ACSS3: variants seen among roughly 807,000 people sequenced by gnomAD.
ACSS3 encodes acyl-CoA synthetase short-chain family member 3, mitochondrial.
Under a neutral mutation model 84.2 loss-of-function variants are expected in ACSS3, and 64 were observed. The ratio of observed to expected loss-of-function variants is 0.76; its 90% CI spans 0.62 to 0.94. The LOEUF (loss-of-function observed/expected upper bound fraction) is 0.94, where lower values mean the gene tolerates loss of function less well. Ranked by LOEUF, ACSS3 falls within the 40% of genes least tolerant of loss-of-function variation. The pLI is 0.00. For missense variants in ACSS3, 815 were observed against 867.6 expected, an observed-to-expected ratio of 0.94 and a Z score of 0.76; for synonymous variants, 317 against 310.1, an observed-to-expected ratio of 1.02 and a Z score of -0.23.
At chr12:81,239,330 T>C (rs564796482) in intron 13 of ACSS3, among the ~76,000 whole-genome samples, 2 of 152,080 alleles carry the variant, frequency 1.3e-5, no homozygotes, top group South Asian at 4.1e-4. Context: ...TAATCTTCAT[T>C]CAACAATTTC....
At chr12:81,157,168 G>A (rs1886917894) in intron 7 of ACSS3, among the ~76,000 whole-genome samples, 1 of 152,060 alleles carries the variant, frequency 6.6e-6, no homozygotes, top group South Asian at 2.1e-4. Context: ...GTGACCAAGT[G>A]GAATTTATTC....
chr12:81,222,225 T>C (rs1367488092), intron 11 of ACSS3, among the ~76,000 whole-genome samples: 1 of 152,090 alleles, frequency 6.6e-6, no homozygotes. Context: ...GATGATGTAA[T>C]ATGTTATGAC....
intron 5 of ACSS3, chr12:81,143,522 G>C (rs1371025254): frequency 4.8e-6 from 1 of 207,832 alleles, no homozygotes; most frequent in African/African-American, 2.3e-5. Context: ...ATTTCTTCCA[G>C]AATTGTCTCA....
At chr12:81,086,609 C>T (rs905477689) in intron 1 of ACSS3, among the ~76,000 whole-genome samples, 3 of 152,138 alleles carry the variant, frequency 2.0e-5, no homozygotes, top group Admixed American at 6.5e-5. Context: ...GGGGAAAATC[C>T]ACACTCTTAT....
chr12:81,200,392 T>C (rs1565717208), intron 9 of ACSS3, among the ~76,000 whole-genome samples: 1 of 152,210 alleles, frequency 6.6e-6, no homozygotes, highest in Non-Finnish European at 1.5e-5. Flanking sequence ...TCTCACCTTC[T>C]CTGCATCTGG....
chr12:81,243,443 T>G (rs1354320859), intron 13 of ACSS3, among the ~76,000 whole-genome samples: 1 of 152,166 alleles, frequency 6.6e-6, no homozygotes, highest in African/African-American at 2.4e-5. Flanking sequence ...CCCAAGGTAA[T>G]TTGTAGATTC....
intron 5 of ACSS3, among the ~76,000 whole-genome samples, chr12:81,146,452 A>G (rs1886346214): frequency 6.6e-6 from 1 of 152,224 alleles, no homozygotes; most frequent in South Asian, 2.1e-4. Flanking sequence ...GATCTTCATG[A>G]GGAAAAATAA....
At chr12:81,189,670 T>C (rs1316810) in intron 8 of ACSS3, among the ~76,000 whole-genome samples, 1 of 151,854 alleles carries the variant, frequency 6.6e-6, no homozygotes, top group Non-Finnish European at 1.5e-5. Flanking sequence ...CCTTTTACCA[T>C]CACAGTGGTG....
At chr12:81,215,776 C>T (rs1427408143) in intron 9 of ACSS3, among the ~76,000 whole-genome samples, 1 of 152,148 alleles carries the variant, frequency 6.6e-6, no homozygotes, top group Non-Finnish European at 1.5e-5. Context: ...TAACTCCAAA[C>T]TTGCTTTTAT....
intron 5 of ACSS3, among the ~76,000 whole-genome samples, chr12:81,150,133 T>C (rs953429326): frequency 1.3e-5 from 2 of 152,220 alleles, no homozygotes; most frequent in South Asian, 4.1e-4. Flanking sequence ...TTCTAGTCAA[T>C]GCATCTTACC....
Position 81,135,012 on chromosome 12 carries a change from C to A in ACSS3, c.645+8C>A. Reference sequence around the variant, plus strand: ...CGCATTGATCATGTAAAGGTAAGTGCTTTATTTTGGGAAATCAAGTAGTAG... The same window carrying A: ...CGCATTGATCATGTAAAGGTAAGTGATTTATTTTGGGAAATCAAGTAGTAG... On this transcript the variant is annotated splice_region_variant and intron_variant, in intron 3 of 15. Coordinates refer to ENST00000548058, the MANE Select transcript of ACSS3 (RefSeq NM_024560.4). 6.4e-7 allele frequency: 1 copy of A among 1,565,376 alleles called. No individual in the cohort carries two copies. Among genetic ancestry groups the A allele is most frequent in the Non-Finnish European group, 8.7e-7 (1 of 1,151,568 alleles).
At chr12:81,196,148 G>A (rs1384719252) in intron 8 of ACSS3, among the ~76,000 whole-genome samples, 4 of 152,072 alleles carry the variant, frequency 2.6e-5, no homozygotes, top group African/African-American at 9.7e-5. Flanking sequence ...ATAATGATTT[G>A]AGCAGGAATT....
At chr12:81,204,065 G>T (rs1001521066) in intron 9 of ACSS3, among the ~76,000 whole-genome samples, 3 of 152,078 alleles carry the variant, frequency 2.0e-5, no homozygotes, top group Admixed American at 6.6e-5. Flanking sequence ...TGTTATAGAG[G>T]TCAGACAGGA....
chr12:81,150,662 C>G (rs1186499913), intron 5 of ACSS3, among the ~76,000 whole-genome samples: 2 of 152,070 alleles, frequency 1.3e-5, no homozygotes, highest in Non-Finnish European at 2.9e-5. Context: ...GCTAAGAGAC[C>G]AGGTGTTGTT....
At chr12:81,119,332 C>T (rs1399651106) in intron 2 of ACSS3, among the ~76,000 whole-genome samples, 1 of 152,082 alleles carries the variant, frequency 6.6e-6, no homozygotes, top group Non-Finnish European at 1.5e-5. Context: ...TCAAAAACTC[C>T]TGATAAGGGT....
Position 81,257,219 on chromosome 12 carries a change from T to C in ACSS3, c.*2297T>C, listed in dbSNP as rs1317676470. ...CTAGGATGGGAATGGAAAACAGTGCTGGAGACTGGGGAAGTGGCTATTTCC... is the reference window on the plus strand; with the variant it reads ...CTAGGATGGGAATGGAAAACAGTGCCGGAGACTGGGGAAGTGGCTATTTCC... On this transcript the variant is annotated 3_prime_UTR_variant, in exon 16 of 16. Transcript: ENST00000548058. 6.6e-6 allele frequency: 1 copy of C among 152,130 alleles called. No individual in the cohort carries two copies. Among genetic ancestry groups the C allele is most frequent in the Non-Finnish European group, 1.5e-5 (1 of 68,028 alleles). 9.4% of individuals were successfully genotyped at this position (152,130 alleles called of 1,614,324 possible). A position where few individuals can be genotyped will look rare whatever the true frequency, so the allele number is the denominator to read the frequency against.
At chr12:81,215,843 A>G (rs916213457) in intron 9 of ACSS3, among the ~76,000 whole-genome samples, 5 of 150,972 alleles carry the variant, frequency 3.3e-5, no homozygotes, top group African/African-American at 1.2e-4. Context: ...ACTTGTGGTA[A>G]TCAGGTAATA....
At position 81,218,433 on chromosome 12, in the gene ACSS3, T is replaced by C. The variant is rs532859527; in HGVS notation, c.1450+1437T>C. Reference sequence around the variant, plus strand: ...CTTTTGCTTCTCTAACATAAAAATATTGGATTTCCCTTCTAGGACAATGGC... The same window carrying C: ...CTTTTGCTTCTCTAACATAAAAATACTGGATTTCCCTTCTAGGACAATGGC... On this transcript the variant is annotated intron_variant, in intron 10 of 15. Coordinates refer to ENST00000548058, the MANE Select transcript of ACSS3 (RefSeq NM_024560.4). 2.5e-3 allele frequency among the ~76,000 whole-genome samples: 379 copies of C among 152,334 alleles called. 1 individual carries two copies. The highest frequency in any genetic ancestry group is 4.3e-3 in the Admixed American group (65 of 15,294).
intron 8 of ACSS3, among the ~76,000 whole-genome samples, chr12:81,199,064 G>A (rs967550086): frequency 6.6e-5 from 10 of 152,124 alleles, no homozygotes; most frequent in African/African-American, 2.4e-4. Flanking sequence ...ATGGCAGATC[G>A]ATTACAGAGA....
Sources: gnomAD v4.1 joint callset for allele counts (sites outside exome capture counted in the v4.1 genomes callset) on GRCh38, gnomAD v4.1.1 for gene constraint, MANE v1.5 for transcripts, NCBI Gene and HGNC (gene_info 2026-07-23, HGNC 2026-07-21) for gene names.